Variants in MDGA2 observed in about 807,000 individuals in gnomAD.
MDGA2 encodes MAM domain-containing glycosylphosphatidylinositol anchor protein 2.
In MDGA2, 40 loss-of-function variants were observed where a neutral mutation model predicts 117.8. The ratio of observed to expected loss-of-function variants is 0.34; its 90% CI spans 0.26 to 0.44. The LOEUF is 0.44. Among genes scored for constraint, MDGA2 ranks in the 20% least tolerant of loss-of-function variants. The pLI, the probability that MDGA2 is intolerant of heterozygous loss-of-function variation, is 1.00. For missense variants in MDGA2, 1,123 were observed against 1,250.6 expected, an observed-to-expected ratio of 0.90 and a Z score of 1.54; for synonymous variants, 452 against 439.0, an observed-to-expected ratio of 1.03 and a Z score of -0.37.
chr14:47,644,345 A>G (rs958627133), intron 1 of MDGA2, among the ~76,000 whole-genome samples: 2 of 152,242 alleles, frequency 1.3e-5, no homozygotes, highest in African/African-American at 4.8e-5. Flanking sequence ...AAAATGGATA[A>G]AGAAAATGTG....
rs11321699 is a variant in MDGA2, at chr14:47,290,794, G to GA, written c.420+10616dup. On this transcript the variant is annotated intron_variant, in intron 2 of 16. Coordinates refer to ENST00000399232, the MANE Select transcript of MDGA2 (RefSeq NM_001113498.3). ...GATTTAGAACAGTGACACAAAGAATGAAAAAAAAAAAACACAATATAAGAA... is the reference window on the plus strand; with the variant it reads ...GATTTAGAACAGTGACACAAAGAATGAAAAAAAAAAAAACACAATATAAGAA... Among the ~76,000 whole-genome samples, 241 of 143,120 alleles carry GA rather than the reference G, an allele frequency of 1.7e-3. 1 individual carries two copies. Among genetic ancestry groups the GA allele is most frequent in the Middle Eastern group, 7.0e-3 (2 of 286 alleles). The allele number at this position is 143,120 out of a possible 152,430, so 93.9% of individuals were successfully genotyped here.
chr14:46,959,088 C>T (rs1193578947), intron 8 of MDGA2, among the ~76,000 whole-genome samples: 1 of 152,046 alleles, frequency 6.6e-6, no homozygotes, highest in African/African-American at 2.4e-5. Flanking sequence ...TTTTAGATAT[C>T]TAATTTAAAA....
At chr14:47,393,155 C>T (rs1891934224) in intron 1 of MDGA2, among the ~76,000 whole-genome samples, 1 of 151,184 alleles carries the variant, frequency 6.6e-6, no homozygotes, top group African/African-American at 2.4e-5. Flanking sequence ...CTTGCCGTGT[C>T]AAACATCTTT....
intron 1 of MDGA2, among the ~76,000 whole-genome samples, chr14:47,460,376 G>T (rs1024642799): frequency 1.3e-5 from 2 of 151,974 alleles, no homozygotes; most frequent in African/African-American, 4.8e-5. Flanking sequence ...ACAAAAGAAA[G>T]GTTATAACTG....
chr14:47,446,456 G>C (rs939230394), intron 1 of MDGA2, among the ~76,000 whole-genome samples: 1 of 148,188 alleles, frequency 6.7e-6, no homozygotes, highest in Non-Finnish European at 1.5e-5. Flanking sequence ...TCATATTATA[G>C]GTTTCCCCTT....
intron 2 of MDGA2, among the ~76,000 whole-genome samples, chr14:47,267,278 T>TG (rs1887997909): frequency 6.9e-6 from 1 of 144,460 alleles, no homozygotes; most frequent in Non-Finnish European, 1.5e-5. Flanking sequence ...ATATTCTAAG[T>TG]GAAAAAAAAC....
chr14:47,135,066 G>A lies in MDGA2; in HGVS notation c.793-3220C>T, dbSNP rs959980959. Among the ~76,000 whole-genome samples the A allele has an allele frequency of 9.2e-5, 14 of 152,008 alleles. No individual in the cohort carries two copies. The East Asian group carries it at 1.9e-3, about 21-fold the overall frequency. ...AATAATACTTTTCCAACATTCCACT[G>A]AAATAGTACCTAGTAATTTCATTAA... On this transcript the variant is annotated intron_variant, in intron 4 of 16. Coordinates refer to ENST00000399232, the MANE Select transcript of MDGA2 (RefSeq NM_001113498.3).
chr14:47,620,037 G>A (rs561991714), intron 1 of MDGA2, among the ~76,000 whole-genome samples: 174 of 152,236 alleles, frequency 1.1e-3, no homozygotes, highest in Middle Eastern at 3.4e-3. Context: ...TCTTGGCTAG[G>A]AGCACACATA....
chr14:46,988,685 T>C (rs1886959575), intron 8 of MDGA2, among the ~76,000 whole-genome samples: 1 of 152,004 alleles, frequency 6.6e-6, no homozygotes. Context: ...GAAAGAGGGA[T>C]GGATGGAGTA....
At chr14:47,509,145 G>A (rs543540659) in intron 1 of MDGA2, among the ~76,000 whole-genome samples, 2 of 152,256 alleles carry the variant, frequency 1.3e-5, no homozygotes, top group African/African-American at 2.4e-5. Flanking sequence ...CCAGAATGCC[G>A]TGAAAAACAG....
chr14:47,484,064 A>G (rs1373077309), intron 1 of MDGA2, among the ~76,000 whole-genome samples: 1 of 152,192 alleles, frequency 6.6e-6, no homozygotes, highest in Non-Finnish European at 1.5e-5. Flanking sequence ...TCAAGGGTAA[A>G]TAAGTTGGAG....
At chr14:47,219,831 T>C (rs1594732881) in intron 2 of MDGA2, among the ~76,000 whole-genome samples, 2 of 152,254 alleles carry the variant, frequency 1.3e-5, no homozygotes, top group East Asian at 3.9e-4. Context: ...TATGTGTGTA[T>C]TCATGTGTGT....
At position 47,587,163 on chromosome 14, in the gene MDGA2, T is replaced by C. The variant is rs552968713; in HGVS notation, c.280+87354A>G. Among the ~76,000 whole-genome samples the C allele has an allele frequency of 2.0e-5, 3 of 151,364 alleles. No individual in the cohort carries two copies. In the Admixed American group the frequency reaches 2.0e-4, roughly 10 times the overall value. On this transcript the variant is annotated intron_variant, in intron 1 of 16. Transcript: ENST00000399232. ...AAAATACGCTGGGGCCTATCAGAGG[T>C]TGGAGGGGATGAGGAAAAATAACAA...
chr14:46,870,973 A>G (rs1034434357), intron 14 of MDGA2: 4 of 151,984 alleles, frequency 2.6e-5, no homozygotes, highest in Admixed American at 2.6e-4. Context: ...AAAATCAATT[A>G]AAATATGTGA....
At chr14:47,213,030 A>G (rs1242942819) in intron 3 of MDGA2, among the ~76,000 whole-genome samples, 1 of 152,056 alleles carries the variant, frequency 6.6e-6, no homozygotes, top group Non-Finnish European at 1.5e-5. Context: ...CTTCCTATAC[A>G]TAGCCTCTTA....
At chr14:47,205,179 C>A (rs1004042607) in intron 3 of MDGA2, among the ~76,000 whole-genome samples, 1 of 151,844 alleles carries the variant, frequency 6.6e-6, no homozygotes, top group African/African-American at 2.4e-5. Context: ...TATGTAGCCC[C>A]ATTCTCCCTG....
At chr14:47,003,155 T>C (rs1311486923) in intron 8 of MDGA2, among the ~76,000 whole-genome samples, 1 of 152,164 alleles carries the variant, frequency 6.6e-6, no homozygotes, top group Non-Finnish European at 1.5e-5. Context: ...TATTTTGAGA[T>C]TCATATGTGT....
chr14:47,499,533 A>T (rs1456995719), intron 1 of MDGA2, among the ~76,000 whole-genome samples: 1 of 152,166 alleles, frequency 6.6e-6, no homozygotes, highest in Non-Finnish European at 1.5e-5. Context: ...CATAAATTGT[A>T]AATAGGCAAT....
rs191927354 is a variant in MDGA2, at chr14:47,452,994, A to T, written c.281-151444T>A. Among the ~76,000 whole-genome samples, 1,407 of 152,188 alleles carry T rather than the reference A, an allele frequency of 9.2e-3. 18 individuals carry two copies. Among genetic ancestry groups the T allele is most frequent in the Middle Eastern group, 0.027 (8 of 292 alleles). ...ATATTGCTGGGAAATATATAGTTTTATTATATTATGTCACTAATAATTTGG... is the reference window on the plus strand; with the variant it reads ...ATATTGCTGGGAAATATATAGTTTTTTTATATTATGTCACTAATAATTTGG... On this transcript the variant is annotated intron_variant, in intron 1 of 16. Transcript: ENST00000399232.
Sources: gnomAD v4.1 joint callset for allele counts (sites outside exome capture counted in the v4.1 genomes callset) on GRCh38, gnomAD v4.1.1 for gene constraint, MANE v1.5 for transcripts, NCBI Gene and HGNC (gene_info 2026-07-23, HGNC 2026-07-21) for gene names.